SLC22A14: variants seen among roughly 807,000 people sequenced by gnomAD.
SLC22A14 encodes the protein solute carrier family 22 member 14, also known as organic cation transporter-like 4.
Under a neutral mutation model 53.9 loss-of-function variants are expected in SLC22A14, and 50 were observed. That is an observed-to-expected ratio of 0.93 (90% CI 0.74 to 1.17). SLC22A14 has a LOEUF of 1.17. Ranked by LOEUF, SLC22A14 falls within the 50% of genes most tolerant of loss-of-function variation. The probability of loss-of-function intolerance (pLI) is 0.00; values close to 1 mark genes in which losing one functional copy is unlikely to be tolerated. For synonymous variants in SLC22A14, 312 were observed against 303.0 expected, an observed-to-expected ratio of 1.03 and a Z score of -0.31; for missense variants, 671 against 734.7, an observed-to-expected ratio of 0.91 and a Z score of 1.00.
intron 10 of SLC22A14, among the ~76,000 whole-genome samples, chr3:38,317,558 G>A (rs1415852377): frequency 2.0e-5 from 3 of 152,196 alleles, no homozygotes; most frequent in African/African-American, 7.2e-5. Flanking sequence ...AGGAAGTTCA[G>A]CGCCGCACGG....
At chr3:38,290,752 G>A (rs548775051) in intron 1 of SLC22A14, among the ~76,000 whole-genome samples, 1 of 152,342 alleles carries the variant, frequency 6.6e-6, no homozygotes, top group East Asian at 1.9e-4. Flanking sequence ...CTCCTGTTGA[G>A]TACTGGGGCT....
chr3:38,307,801 C>CA lies in SLC22A14; in HGVS notation c.775+82dup. ...GGCGGGTGACAAGGGGACATAGTGGCAGGGGGCGTGGCGGCATAGGCAGAT... is the reference window on the plus strand; with the variant it reads ...GGCGGGTGACAAGGGGACATAGTGGCAAGGGGGCGTGGCGGCATAGGCAGAT... On this transcript the variant is annotated intron_variant, in intron 4 of 10. Coordinates refer to ENST00000448498, the MANE Select transcript of SLC22A14 (RefSeq NM_001320033.2). The surrounding 1 kb of genome is among the most constrained non-coding windows in gnomAD (Gnocchi z 4.4). 1 of 1,502,690 alleles carries CA rather than the reference C, an allele frequency of 6.7e-7. No homozygotes were observed. Among genetic ancestry groups the CA allele is most frequent in the Non-Finnish European group, 9.1e-7 (1 of 1,093,750 alleles). The allele number at this position is 1,502,690 out of a possible 1,614,324, so 93.1% of individuals were successfully genotyped here.
At chr3:38,301,984 G>T (rs1704170365) in intron 1 of SLC22A14, among the ~76,000 whole-genome samples, 3 of 150,988 alleles carry the variant, frequency 2.0e-5, no homozygotes, top group Admixed American at 1.3e-4. Flanking sequence ...TGTAATCCCA[G>T]CACCTTGGGA....
At chr3:38,301,668 A>G (rs1292300850) in intron 1 of SLC22A14, among the ~76,000 whole-genome samples, 1 of 151,858 alleles carries the variant, frequency 6.6e-6, no homozygotes, top group African/African-American at 2.4e-5. Flanking sequence ...CCACCAGTAT[A>G]ATGTCAAATA....
intron 1 of SLC22A14, among the ~76,000 whole-genome samples, chr3:38,295,468 G>A (rs1243457171): frequency 6.6e-6 from 1 of 152,184 alleles, no homozygotes; most frequent in Non-Finnish European, 1.5e-5. Context: ...ACTGGGTTAA[G>A]GATTTTTGAT....
At chr3:38,309,388 A>G (rs749448207) in intron 5 of SLC22A14, among the ~76,000 whole-genome samples, 1 of 152,150 alleles carries the variant, frequency 6.6e-6, no homozygotes, top group Non-Finnish European at 1.5e-5. Flanking sequence ...CAAGGGGTTA[A>G]GGCCAAGGGA....
intron 1 of SLC22A14, among the ~76,000 whole-genome samples, chr3:38,300,282 A>G (rs745639363): frequency 1.3e-5 from 2 of 152,172 alleles, no homozygotes; most frequent in Non-Finnish European, 2.9e-5. Context: ...TCTACCAAAA[A>G]TACAAAAATT....
rs749179440 is a variant in SLC22A14, at chr3:38,316,454, C to A, written c.1663C>A (p.Leu555Ile). The change falls in exon 10 of 11, where the codon CTC (leucine) becomes ATC (isoleucine). Residue 555 changes from leucine to isoleucine, a missense_variant. By Grantham distance (5) the Leu-to-Ile change is conservative. Transcript: ENST00000448498. ...CCVLAIVAFSLSSLLPETRDQ... is the reference protein window; with the variant it reads ...CCVLAIVAFSISSLLPETRDQ... ...CGTCTTAGCCATCGTGGCCTTTTCC[C>A]TCTCCTCCCTGCTGCCGGAAACGCG... is the stretch of plus-strand genomic sequence containing the variant. 3.1e-6 allele frequency: 5 copies of A among 1,614,040 alleles called. No homozygotes were observed. The highest frequency in any genetic ancestry group is 4.2e-6 in the Non-Finnish European group (5 of 1,180,000).
At chr3:38,282,363 G>A in intron 1 of SLC22A14, 24 bp downstream of exon 1, 1 of 152,704 alleles carries the variant, frequency 6.5e-6, no homozygotes, top group Non-Finnish European at 1.5e-5. Flanking sequence ...TTGGCTTGCG[G>A]TCCTGCCTAC....
chr3:38,291,031 G>A (rs984950103), intron 1 of SLC22A14, among the ~76,000 whole-genome samples: 3 of 152,142 alleles, frequency 2.0e-5, no homozygotes, highest in South Asian at 2.1e-4. Flanking sequence ...ATATTGCTGC[G>A]TGGGCATGGA....
Position 38,313,677 on chromosome 3 carries a change from C to T in SLC22A14, c.1164-50C>T, listed in dbSNP as rs115995642. On this transcript the variant is annotated intron_variant, in intron 7 of 10. Coordinates refer to ENST00000448498, the MANE Select transcript of SLC22A14 (RefSeq NM_001320033.2). ...CTGCCTCTGTCTTTATTCCTGGCTC[C>T]GTGTGTGTGCGCGCGTGTGCACGCG... The T allele has an allele frequency of 2.3e-3, 1,736 of 762,558 alleles. 31 individuals are homozygous for T. In the African/African-American group the frequency reaches 0.027, roughly 12 times the overall value. The allele number at this position is 762,558 out of a possible 1,614,324, so 47.2% of individuals were successfully genotyped here.
Position 38,316,316 on chromosome 3 carries a change from A to G in SLC22A14, c.1533-8A>G. The G allele has an allele frequency of 6.2e-7, 1 of 1,613,760 alleles. No homozygotes were observed. The highest frequency in any genetic ancestry group is 2.2e-5 in the East Asian group (1 of 44,856). ...ACCCCTCACAGGAGCTCTCACCTCC[A>G]CTTTCAGGGCGACAGGTCTGGGGCT... On this transcript the variant is annotated splice_polypyrimidine_tract_variant and splice_region_variant and intron_variant, in intron 9 of 10. Transcript: ENST00000448498.
At chr3:38,305,730 G>A in intron 1 of SLC22A14, 1 of 372,280 alleles carries the variant, frequency 2.7e-6, no homozygotes. Context: ...AAAAGCTTGA[G>A]TTGTGGGGAA....
In SLC22A14 at chr3:38,306,498, G is replaced by T. The variant is rs866032740; in HGVS notation, c.472G>T (p.Gly158Trp). ...GLNDTDTCQD[G>W]WIYPDAKKRS... ...CAATGACACAGACACATGCCAAGAT[G>T]GGTGGATCTATCCTGACGCTAAGAA... The change falls in exon 2 of 11, where the codon GGG becomes TGG. Residue 158 changes from glycine (G) to tryptophan (W), a missense_variant. Gly to Trp is a radical substitution (Grantham distance 184). Transcript: ENST00000448498. 1 of 1,614,152 alleles carries T rather than the reference G, an allele frequency of 6.2e-7. No homozygotes were observed.
intron 1 of SLC22A14, among the ~76,000 whole-genome samples, chr3:38,295,431 T>C (rs1704009760): frequency 6.6e-6 from 1 of 152,246 alleles, no homozygotes; most frequent in Admixed American, 6.5e-5. Context: ...TGCTACAGAT[T>C]GAATGCATTT....
rs971334688 is a variant in SLC22A14, at chr3:38,305,878, G to A, written c.1-149G>A. Reference sequence around the variant, plus strand: ...GGAATAAATCATGTTAACTAAGAAAGCAAGGGAGGGAACTACTGAGAACGT... The same window carrying A: ...GGAATAAATCATGTTAACTAAGAAAACAAGGGAGGGAACTACTGAGAACGT... On this transcript the variant is annotated intron_variant, in intron 1 of 10. Transcript: ENST00000448498. The A allele has an allele frequency of 4.1e-6, 3 of 732,740 alleles. No individual in the cohort carries two copies. The East Asian group carries it at 7.4e-5, about 18-fold the overall frequency. The allele number at this position is 732,740 out of a possible 1,614,324, so 45.4% of individuals were successfully genotyped here.
intron 1 of SLC22A14, among the ~76,000 whole-genome samples, chr3:38,285,196 C>T (rs924535799): frequency 6.6e-6 from 1 of 151,922 alleles, no homozygotes; most frequent in African/African-American, 2.4e-5. Flanking sequence ...GTTCACTACA[C>T]TAAACAGGGG....
intron 1 of SLC22A14, among the ~76,000 whole-genome samples, chr3:38,298,087 A>G (rs1369269862): frequency 6.6e-6 from 1 of 152,144 alleles, no homozygotes; most frequent in Non-Finnish European, 1.5e-5. Context: ...ACTCATATTT[A>G]TTCTATGGGT....
At position 38,306,399 on chromosome 3, in the gene SLC22A14, A is replaced by G. The variant is rs1340945163; in HGVS notation, c.373A>G (p.Asn125Asp). Reference protein sequence around the residue: ...QLNLTIPQAPNGSFLTCFMYL... With the variant: ...QLNLTIPQAPDGSFLTCFMYL... ...GAATCTGACCATACCCCAAGCACCC[A>G]ATGGCAGTTTCCTGACATGCTTCAT... Residue 125 changes from asparagine (N) to aspartate (D), a missense_variant, in exon 2 of 11, where the codon AAT becomes GAT. Coordinates refer to ENST00000448498, the MANE Select transcript of SLC22A14 (RefSeq NM_001320033.2). 2 of 1,614,174 alleles carry G rather than the reference A, an allele frequency of 1.2e-6. No individual in the cohort carries two copies. Among genetic ancestry groups the G allele is most frequent in the Admixed American group, 3.3e-5 (2 of 60,016 alleles).
Sources: gnomAD v4.1 joint callset for allele counts (sites outside exome capture counted in the v4.1 genomes callset) on GRCh38, gnomAD v4.1.1 for gene constraint, Gnocchi (gnomAD v3.1) non-coding constraint, MANE v1.5 for transcripts, NCBI Gene and HGNC (gene_info 2026-07-23, HGNC 2026-07-21) for gene names.